MAF: variants seen among roughly 807,000 people sequenced by gnomAD.
The protein encoded by MAF is MAF bZIP transcription factor.
A neutral mutation model predicts 22.0 loss-of-function variants in MAF; 10 were observed. That is an observed-to-expected ratio of 0.45 (90% CI 0.28 to 0.77). MAF has a LOEUF of 0.77. Among genes scored for constraint, MAF ranks in the 30% least tolerant of loss-of-function variants. MAF has a pLI of 0.12. For synonymous variants in MAF, 337 were observed against 255.8 expected (o/e 1.32, Z -3.03); for missense variants, 544 against 548.4 (o/e 0.99, Z 0.08).
the MAF span, among the ~76,000 whole-genome samples, chr16:79,224,717 T>C: frequency 4.6e-5 from 7 of 151,922 alleles, no homozygotes; most frequent in African/African-American, 1.5e-4. Context: ...ACACCAATAA[T>C]AGACAAACAA....
the MAF span, among the ~76,000 whole-genome samples, chr16:79,472,892 A>G: frequency 6.6e-6 from 1 of 151,874 alleles, no homozygotes; most frequent in South Asian, 2.1e-4. Context: ...TGTCCTGGAG[A>G]GATTTGGGTA....
At chr16:79,476,831 T>A in the MAF span, among the ~76,000 whole-genome samples, 2 of 152,242 alleles carry the variant, frequency 1.3e-5, no homozygotes, top group African/African-American at 4.8e-5. Context: ...GTCATCTCTG[T>A]GCCTTGGTGT....
At chr16:79,383,936 A>T in the MAF span, among the ~76,000 whole-genome samples, 10 of 152,336 alleles carry the variant, frequency 6.6e-5, 2 homozygotes, top group African/African-American at 2.4e-4. Context: ...ACAAGATACA[A>T]AAAGTCCTGC....
chr16:79,334,132 A>G, the MAF span, among the ~76,000 whole-genome samples: 1 of 152,242 alleles, frequency 6.6e-6, no homozygotes, highest in Admixed American at 6.5e-5. Context: ...TTTGTTCACC[A>G]AAGACACATT....
chr16:79,581,672 G>A (rs80005144), downstream of MAF, among the ~76,000 whole-genome samples: 1 of 151,970 alleles, frequency 6.6e-6, no homozygotes, highest in Non-Finnish European at 1.5e-5. Flanking sequence ...CACTGCATGT[G>A]AAAAAAACAC....
the MAF span, among the ~76,000 whole-genome samples, chr16:79,244,462 C>T: frequency 1.3e-5 from 2 of 151,990 alleles, no homozygotes; most frequent in Non-Finnish European, 2.9e-5. Flanking sequence ...AACTCCCATT[C>T]ACAATTATTA....
the MAF span, among the ~76,000 whole-genome samples, chr16:79,469,367 G>C: frequency 6.6e-6 from 1 of 152,078 alleles, no homozygotes; most frequent in Admixed American, 6.5e-5. Flanking sequence ...ACATAAGCTC[G>C]GGATTCAGAC....
chr16:79,208,315 C>A, the MAF span, among the ~76,000 whole-genome samples: 1 of 152,080 alleles, frequency 6.6e-6, no homozygotes, highest in Non-Finnish European at 1.5e-5. Flanking sequence ...GGGATAGACA[C>A]CTCCCCCGTT....
chr16:79,234,099 A>G, the MAF span, among the ~76,000 whole-genome samples: 1 of 151,978 alleles, frequency 6.6e-6, no homozygotes, highest in Non-Finnish European at 1.5e-5. Flanking sequence ...CCACCCTCCA[A>G]CCTTCCTGGA....
At chr16:79,369,188 G>C in the MAF span, among the ~76,000 whole-genome samples, 13 of 152,314 alleles carry the variant, frequency 8.5e-5, no homozygotes, top group East Asian at 2.5e-3. Flanking sequence ...GTTGCCCAGA[G>C]TTTTGTAGCC....
At chr16:79,512,016 C>A in the MAF span, among the ~76,000 whole-genome samples, 3 of 152,200 alleles carry the variant, frequency 2.0e-5, no homozygotes, top group African/African-American at 7.2e-5. Context: ...TAACCTGACA[C>A]CCAGTGCACG....
At chr16:79,292,393 TC>T in the MAF span, among the ~76,000 whole-genome samples, 3 of 152,258 alleles carry the variant, frequency 2.0e-5, no homozygotes, top group South Asian at 6.2e-4. Context: ...GCAAGGAAAT[TC>T]TTTTCCGAGA....
At chr16:79,225,570 A>G in the MAF span, among the ~76,000 whole-genome samples, 2 of 152,204 alleles carry the variant, frequency 1.3e-5, no homozygotes, top group Non-Finnish European at 2.9e-5. Context: ...AAAAGAAACT[A>G]TCATCAGAGT....
the MAF span, among the ~76,000 whole-genome samples, chr16:79,444,475 G>A: frequency 1.3e-5 from 2 of 152,164 alleles, no homozygotes; most frequent in Admixed American, 6.5e-5. Flanking sequence ...CTTTTACTGA[G>A]TCTCAGTTTC....
chr16:79,212,056 C>T, the MAF span: 4 of 1,536,364 alleles, frequency 2.6e-6, no homozygotes, highest in South Asian at 3.6e-5. Flanking sequence ...AAGTAAAAAC[C>T]TGCTTGGTGT....
chr16:79,401,647 TGTGTACCCATACAAAATAATAATA>T, the MAF span, among the ~76,000 whole-genome samples: 1 of 152,086 alleles, frequency 6.6e-6, no homozygotes, highest in East Asian at 1.9e-4. Context: ...CACATTCCAG[TGTGTACCCATACAAAATAATAATA>T]GTGATAATAA....
At chr16:79,567,850 G>A in the MAF span, among the ~76,000 whole-genome samples, 1 of 152,198 alleles carries the variant, frequency 6.6e-6, no homozygotes. Flanking sequence ...GTCTCTTTGA[G>A]TTCCCTATTT....
At chr16:79,404,226 C>CA in the MAF span, among the ~76,000 whole-genome samples, 585 of 145,138 alleles carry the variant, frequency 4.0e-3, 10 homozygotes, top group East Asian at 0.034. Flanking sequence ...TGCAGTGGCA[C>CA]AATCTCGGCT....
the MAF span, among the ~76,000 whole-genome samples, chr16:79,262,105 C>T: frequency 6.6e-6 from 1 of 152,116 alleles, no homozygotes. Flanking sequence ...TTTGGAGAGT[C>T]CCTTCCGTGT....
Sources: gnomAD v4.1 joint callset for allele counts (sites outside exome capture counted in the v4.1 genomes callset) on GRCh38, gnomAD v4.1.1 for gene constraint, MANE v1.5 for transcripts, NCBI Gene and HGNC (gene_info 2026-07-23, HGNC 2026-07-21) for gene names.